Variants in RBMS3 observed in about 807,000 individuals in gnomAD.
RBMS3 encodes RNA-binding motif, single-stranded-interacting protein 3.
In RBMS3, 27 loss-of-function variants were observed where a neutral mutation model predicts 66.8. The ratio of observed to expected loss-of-function variants is 0.40; its 90% CI spans 0.30 to 0.56. The LOEUF (loss-of-function observed/expected upper bound fraction) is 0.56. RBMS3 is among the 20% of genes least tolerant of loss of function. RBMS3 has a pLI of 0.40. For missense variants in RBMS3, 513 were observed against 549.5 expected (o/e 0.93, Z 0.66); for synonymous variants, 188 against 183.0 (o/e 1.03, Z -0.22).
At chr3:29,454,536 G>A (rs752606496) in intron 2 of RBMS3, among the ~76,000 whole-genome samples, 3 of 152,220 alleles carry the variant, frequency 2.0e-5, no homozygotes, top group East Asian at 3.9e-4. Flanking sequence ...TCTAATCCGC[G>A]TCACCACCCA....
At chr3:29,417,629 A>T (rs1290974930) in intron 1 of RBMS3, among the ~76,000 whole-genome samples, 5 of 152,200 alleles carry the variant, frequency 3.3e-5, no homozygotes, top group African/African-American at 1.2e-4. Flanking sequence ...TGAGAAATAT[A>T]TTTAAACAGA....
chr3:29,384,417 C>CAATAATAATAATAATAATAATAAT (rs532698967), intron 1 of RBMS3, among the ~76,000 whole-genome samples: 2 of 137,414 alleles, frequency 1.5e-5, no homozygotes, highest in African/African-American at 2.7e-5. Flanking sequence ...ACATATACAC[C>CAATAATAATAATAATAATAATAAT]AATAATAATA....
Position 29,789,232 on chromosome 3 carries a change from TAATG to T in RBMS3, c.637+26248_637+26251del, listed in dbSNP as rs369854697. On this transcript the variant is annotated intron_variant, in intron 6 of 14. Coordinates refer to ENST00000383767, the MANE Select transcript of RBMS3 (RefSeq NM_001003793.3). ...AAACTTGAATGGCAAAAGAGAAACA[TAATG>T]AATGGTGATAGACGTATTTATCCTT... Among the ~76,000 whole-genome samples, 1,117 of 152,204 alleles carry T rather than the reference TAATG, an allele frequency of 7.3e-3. 15 individuals are homozygous for T. The highest frequency in any genetic ancestry group is 0.044 in the Middle Eastern group (13 of 294).
chr3:29,327,463 A>G (rs1431490780), intron 1 of RBMS3, among the ~76,000 whole-genome samples: 1 of 152,178 alleles, frequency 6.6e-6, no homozygotes, highest in Non-Finnish European at 1.5e-5. Flanking sequence ...AGGATAAATG[A>G]CAGTTTTCTC....
At chr3:29,690,252 C>T (rs947317418) in intron 4 of RBMS3, among the ~76,000 whole-genome samples, 1 of 151,982 alleles carries the variant, frequency 6.6e-6, no homozygotes, top group Non-Finnish European at 1.5e-5. Flanking sequence ...GAGTTTAAGA[C>T]CAGCCTGGGC....
chr3:29,521,318 T>C (rs258946), intron 3 of RBMS3, among the ~76,000 whole-genome samples: 49,749 of 151,968 alleles, frequency 0.33, 8,720 homozygotes, highest in Middle Eastern at 0.44. Context: ...ACATTTATCA[T>C]TACTTGTTAC....
At chr3:29,594,032 T>C (rs1049405770) in intron 4 of RBMS3, among the ~76,000 whole-genome samples, 1 of 152,172 alleles carries the variant, frequency 6.6e-6, no homozygotes, top group Admixed American at 6.5e-5. Context: ...TGAACATGTA[T>C]CTAAAAGAAA....
chr3:29,782,398 G>T (rs1194523792), intron 6 of RBMS3, among the ~76,000 whole-genome samples: 2 of 152,192 alleles, frequency 1.3e-5, no homozygotes, highest in African/African-American at 4.8e-5. Flanking sequence ...GAGCCTGGGA[G>T]CTCCGCTGGG....
chr3:29,745,044 C>T (rs886802040), intron 5 of RBMS3, among the ~76,000 whole-genome samples: 13 of 152,024 alleles, frequency 8.6e-5, no homozygotes, highest in East Asian at 1.9e-4. Context: ...ATTTTACTTG[C>T]GACTATACAT....
intron 3 of RBMS3, among the ~76,000 whole-genome samples, chr3:29,545,586 A>G (rs544235787): frequency 4.6e-5 from 7 of 152,228 alleles, no homozygotes; most frequent in Non-Finnish European, 8.8e-5. Flanking sequence ...GAAGACAACC[A>G]TCATGACACA....
intron 3 of RBMS3, among the ~76,000 whole-genome samples, chr3:29,491,174 A>G (rs1411787791): frequency 1.3e-5 from 2 of 152,234 alleles, no homozygotes; most frequent in Admixed American, 1.3e-4. Flanking sequence ...AGCAAATTAT[A>G]TAGTGGGAGC....
intron 1 of RBMS3, among the ~76,000 whole-genome samples, chr3:29,348,140 A>T (rs2036688905): frequency 6.6e-6 from 1 of 152,120 alleles, no homozygotes; most frequent in South Asian, 2.1e-4. Context: ...GTTTTCCGGG[A>T]TGCTGCATAC....
chr3:29,682,398 C>A (rs1049505587), intron 4 of RBMS3, among the ~76,000 whole-genome samples: 10 of 152,198 alleles, frequency 6.6e-5, no homozygotes, highest in African/African-American at 2.4e-4. Flanking sequence ...CATGATCCGC[C>A]GGCCTTGGCC....
intron 6 of RBMS3, among the ~76,000 whole-genome samples, chr3:29,849,348 T>C (rs2058873290): frequency 1.3e-5 from 2 of 152,040 alleles, no homozygotes; most frequent in Admixed American, 6.5e-5. Flanking sequence ...ACCCCATCTC[T>C]ACTAAAAATA....
chr3:29,399,484 G>A (rs1388674346), intron 1 of RBMS3, among the ~76,000 whole-genome samples: 1 of 152,108 alleles, frequency 6.6e-6, no homozygotes, highest in Non-Finnish European at 1.5e-5. Context: ...AGAAAAGAAG[G>A]CTGAGACAAA....
At chr3:29,853,510 G>A (rs1363151550) in intron 6 of RBMS3, among the ~76,000 whole-genome samples, 1 of 146,668 alleles carries the variant, frequency 6.8e-6, no homozygotes, top group Non-Finnish European at 1.5e-5. Context: ...CCCAAAGTGG[G>A]TAGCCGTTGC....
chr3:29,571,589 C>T (rs186132170), intron 3 of RBMS3, among the ~76,000 whole-genome samples: 4 of 151,902 alleles, frequency 2.6e-5, no homozygotes, highest in East Asian at 1.9e-4. Flanking sequence ...ACTGTAGGTA[C>T]GTAGATTTGC....
chr3:29,528,995 T>C (rs893087260), intron 3 of RBMS3, among the ~76,000 whole-genome samples: 3 of 152,112 alleles, frequency 2.0e-5, no homozygotes, highest in Non-Finnish European at 2.9e-5. Flanking sequence ...CCACCCACCT[T>C]GGCCTCCCAA....
intron 1 of RBMS3, among the ~76,000 whole-genome samples, chr3:29,284,841 T>TTTTC (rs2032143717): frequency 6.7e-6 from 1 of 149,928 alleles, no homozygotes; most frequent in African/African-American, 2.5e-5. Flanking sequence ...CATTTGTCAA[T>TTTTC]TTTCTTTTTG....
Sources: allele counts gnomAD v4.1 joint callset (sites outside exome capture counted in the v4.1 genomes callset), GRCh38; gene constraint gnomAD v4.1.1; transcripts MANE v1.5; gene names NCBI Gene and HGNC (gene_info 2026-07-23, HGNC 2026-07-21).